GPR89A: variants seen among roughly 807,000 people sequenced by gnomAD.
GPR89A encodes G protein-coupled receptor 89A.
GPR89A carries 16 observed loss-of-function variants against 52.0 expected under a neutral mutation model. The observed-to-expected ratio is 0.31, with a 90% CI of 0.21 to 0.47. The LOEUF is 0.47. GPR89A is among the 20% of genes least tolerant of loss of function. The probability of loss-of-function intolerance (pLI) is 1.00; values close to 1 mark genes in which losing one functional copy is unlikely to be tolerated. For synonymous variants in GPR89A, 55 were observed against 150.9 expected, an observed-to-expected ratio of 0.36 and a Z score of 4.66; for missense variants, 135 against 449.4, an observed-to-expected ratio of 0.30 and a Z score of 6.33.
intron 7 of GPR89A, among the ~76,000 whole-genome samples, chr1:145,635,994 T>C (rs587596723): frequency 6.6e-6 from 1 of 152,064 alleles, no homozygotes; most frequent in East Asian, 1.9e-4. Flanking sequence ...CCTTGTCAAG[T>C]GTGTATACAT....
Position 145,654,544 on chromosome 1 carries a change from A to C in GPR89A, c.909+7277A>C, listed in dbSNP as rs113984420. Among the ~76,000 whole-genome samples, 4 of 48,504 alleles carry C rather than the reference A, an allele frequency of 8.2e-5. No individual in the cohort carries two copies. In the South Asian group the frequency reaches 3.7e-3, roughly 45 times the overall value. The allele number at this position is 48,504 out of a possible 152,430, so 31.8% of individuals were successfully genotyped here. The stretch of plus-strand genomic sequence containing the variant: ...CTCCAGCCTGGGTGACAGAGCAAGA[A>C]TCCATCTACAAAAAAAAAAAAAAAA... On this transcript the variant is annotated intron_variant, in intron 10 of 13. Coordinates refer to ENST00000313835, the MANE Select transcript of GPR89A (RefSeq NM_001097612.2).
At chr1:145,665,926 A>G (rs2624777) in intron 12 of GPR89A, among the ~76,000 whole-genome samples, 10 of 151,822 alleles carry the variant, frequency 6.6e-5, no homozygotes, top group Non-Finnish European at 1.3e-4. Context: ...CCCAGGCAGC[A>G]GAGATTGCAG....
chr1:145,659,083 A>G (rs1559048343), intron 10 of GPR89A, among the ~76,000 whole-genome samples: 3 of 152,050 alleles, frequency 2.0e-5, no homozygotes, highest in Non-Finnish European at 4.4e-5. Flanking sequence ...AGCCTCGTGT[A>G]TAAGTTTTTA....
chr1:145,616,274 A>G lies in GPR89A; in HGVS notation c.83A>G (p.Gln28Arg), dbSNP rs1648688076. The stretch of plus-strand genomic sequence containing the variant: ...TTTGGGTGGCTTTTCTTCATGCGCC[A>G]ATTGTTTAAAGACTATGAGGTGAGA... ...FGFGWLFFMR[Q>R]LFKDYEIRQY... is the part of the protein sequence containing the mutation. Residue 28 changes from glutamine (Q) to arginine (R), a missense_variant, in exon 2 of 14, where the codon CAA becomes CGA. By Grantham distance (43) the Gln-to-Arg change is conservative. Transcript: ENST00000313835. The G allele has an allele frequency of 6.2e-7, 1 of 1,610,382 alleles. No homozygotes were observed. The highest frequency in any genetic ancestry group is 1.4e-5 in the African/African-American group (1 of 73,924).
chr1:145,619,446 C>CA (rs1297291539), intron 3 of GPR89A, among the ~76,000 whole-genome samples: 31 of 151,122 alleles, frequency 2.1e-4, no homozygotes, highest in African/African-American at 6.3e-4. Flanking sequence ...CCTGTCTCTA[C>CA]AAAAAAATAA....
At chr1:145,642,586 A>C (rs782595680) in intron 7 of GPR89A, among the ~76,000 whole-genome samples, 25 of 152,202 alleles carry the variant, frequency 1.6e-4, no homozygotes, top group Non-Finnish European at 2.9e-4. Flanking sequence ...GGCTCAAAAA[A>C]TTTCACCCAT....
At chr1:145,609,060 T>G (rs1218410180) in intron 1 of GPR89A, among the ~76,000 whole-genome samples, 1 of 152,230 alleles carries the variant, frequency 6.6e-6, no homozygotes, top group Non-Finnish European at 1.5e-5. Context: ...GTGCAGGCAT[T>G]CAATAAATAA....
intron 7 of GPR89A, among the ~76,000 whole-genome samples, chr1:145,643,042 G>A (rs1447402676): frequency 3.2e-5 from 1 of 31,208 alleles, no homozygotes; most frequent in Non-Finnish European, 5.8e-5. Flanking sequence ...ACAGGTTTAT[G>A]CAATTTTGCT....
intron 1 of GPR89A, among the ~76,000 whole-genome samples, chr1:145,609,035 T>C (rs1553685641): frequency 6.6e-6 from 1 of 152,236 alleles, no homozygotes; most frequent in African/African-American, 2.4e-5. Flanking sequence ...TTCATAGCTG[T>C]ATCCCCACTT....
At chr1:145,612,674 C>G (rs1435871255) in intron 1 of GPR89A, among the ~76,000 whole-genome samples, 1 of 152,102 alleles carries the variant, frequency 6.6e-6, no homozygotes, top group African/African-American at 2.4e-5. Flanking sequence ...AGTAAATGCT[C>G]AATAAAAGTT....
At chr1:145,619,640 T>G (rs1648978518) in intron 3 of GPR89A, among the ~76,000 whole-genome samples, 1 of 152,036 alleles carries the variant, frequency 6.6e-6, no homozygotes, top group South Asian at 2.1e-4. Flanking sequence ...TTGATAATAA[T>G]GGTCTCTTGA....
intron 10 of GPR89A, among the ~76,000 whole-genome samples, chr1:145,658,432 C>A (rs587653038): frequency 4.6e-5 from 7 of 151,416 alleles, no homozygotes; most frequent in Admixed American, 1.3e-4. Context: ...AAGGGAAACC[C>A]CATTCTTTAC....
At chr1:145,661,018 G>A (rs1408990642) in intron 10 of GPR89A, among the ~76,000 whole-genome samples, 1 of 151,844 alleles carries the variant, frequency 6.6e-6, no homozygotes, top group African/African-American at 2.4e-5. Flanking sequence ...TATGTTTATT[G>A]TGGCACTATT....
chr1:145,637,067 T>C (rs1158810611), intron 7 of GPR89A, among the ~76,000 whole-genome samples: 1 of 152,132 alleles, frequency 6.6e-6, no homozygotes. Flanking sequence ...CTGAGAAAAA[T>C]AGGCAGAAAC....
chr1:145,664,480 T>C (rs1439931956), intron 11 of GPR89A, among the ~76,000 whole-genome samples: 2 of 151,442 alleles, frequency 1.3e-5, no homozygotes, highest in African/African-American at 4.9e-5. Flanking sequence ...TGAAAACCTG[T>C]CTCTAGAAAA....
At position 145,623,128 on chromosome 1, in the gene GPR89A, T is replaced by C. The variant is rs1649252081; in HGVS notation, c.281T>C (p.Ile94Thr). Residue 94 changes from isoleucine to threonine, a missense_variant, in exon 4 of 14, where the codon ATT (isoleucine) becomes ACT (threonine). Ile to Thr is a moderately conservative substitution (Grantham distance 89, BLOSUM62 -1). Transcript: ENST00000313835. Reference protein sequence around the residue: ...LILVFMVPFYIGYFIVSNIRL... With the variant: ...LILVFMVPFYTGYFIVSNIRL... ...CTGGTTTTCATGGTGCCTTTTTACA[T>C]TGGCTATTTTATTGTGAGCAATATC... 4 of 1,612,996 alleles carry C rather than the reference T, an allele frequency of 2.5e-6. No individual in the cohort carries two copies. Among genetic ancestry groups the C allele is most frequent in the South Asian group, 2.2e-5 (2 of 91,024 alleles).
At chr1:145,663,307 G>A (rs782728656) in intron 10 of GPR89A, 22 bp from the exon 11 acceptor site, 19 of 1,607,030 alleles carry the variant, frequency 1.2e-5, no homozygotes, top group Non-Finnish European at 2.5e-6. Context: ...ATGCTCCAAG[G>A]TAAAAATCTG....
At position 145,663,441 on chromosome 1, in the gene GPR89A, G is replaced by T; in HGVS notation, c.1005+17G>T. On this transcript the variant is annotated intron_variant, in intron 11 of 13. Transcript: ENST00000313835. ...CAATTTGATGTAAGTGTTATATCAA[G>T]ATCCTGGTTTGTCATGTTTCTGTTT... 6.2e-7 allele frequency: 1 copy of T among 1,610,182 alleles called. No individual in the cohort carries two copies. Among genetic ancestry groups the T allele is most frequent in the Non-Finnish European group, 8.5e-7 (1 of 1,178,664 alleles).
In GPR89A at chr1:145,623,102, C is replaced by T; in HGVS notation, c.255C>T (p.Ile85=). ...TGAACCTGTGTGTAATTCTGCTGAT[C>T]CTGGTTTTCATGGTGCCTTTTTACA... is the stretch of plus-strand genomic sequence containing the variant. ...WKMNLCVILL[I]LVFMVPFYIG... Residue 85 remains isoleucine (I), a synonymous_variant, in exon 4 of 14, where the codon ATC becomes ATT. Coordinates refer to ENST00000313835, the MANE Select transcript of GPR89A (RefSeq NM_001097612.2). 6.2e-7 allele frequency: 1 copy of T among 1,612,426 alleles called. No homozygotes were observed. Among genetic ancestry groups the T allele is most frequent in the Non-Finnish European group, 8.5e-7 (1 of 1,179,190 alleles).
Sources: allele counts gnomAD v4.1 joint callset (sites outside exome capture counted in the v4.1 genomes callset), GRCh38; gene constraint gnomAD v4.1.1; transcripts MANE v1.5; gene names NCBI Gene and HGNC (gene_info 2026-07-23, HGNC 2026-07-21).